SPTLC3: variants seen among roughly 807,000 people sequenced by gnomAD.
The protein encoded by SPTLC3 is serine palmitoyltransferase long chain base subunit 3, also known as serine palmitoyltransferase 3.
SPTLC3 carries 36 observed loss-of-function variants against 59.3 expected under a neutral mutation model. The observed-to-expected ratio is 0.61, with a 90% CI of 0.47 to 0.80. The LOEUF is 0.80. Among genes scored for constraint, SPTLC3 ranks in the 30% least tolerant of loss-of-function variants. SPTLC3 has a pLI of 0.00. For missense variants in SPTLC3, 625 were observed against 685.1 expected (o/e 0.91, Z 0.98); for synonymous variants, 257 against 240.8 (o/e 1.07, Z -0.62).
At chr20:13,153,330 A>G (rs1161533023) in intron 9 of SPTLC3, among the ~76,000 whole-genome samples, 1 of 152,130 alleles carries the variant, frequency 6.6e-6, no homozygotes, top group Non-Finnish European at 1.5e-5. Flanking sequence ...AATAACCTTG[A>G]CATGGACCCA....
chr20:13,032,522 G>A (rs1482475597), intron 1 of SPTLC3, among the ~76,000 whole-genome samples: 1 of 152,060 alleles, frequency 6.6e-6, no homozygotes, highest in Admixed American at 6.6e-5. Context: ...ACCATTCAAG[G>A]CCCAGCCAGA....
At chr20:13,128,871 A>ATT (rs35981991) in intron 9 of SPTLC3, among the ~76,000 whole-genome samples, 4 of 114,218 alleles carry the variant, frequency 3.5e-5, no homozygotes, top group South Asian at 2.9e-4. Context: ...TGCCCAGCTA[A>ATT]TTTTTTTTTT....
intron 1 of SPTLC3, among the ~76,000 whole-genome samples, chr20:13,030,981 C>T (rs1418631104): frequency 6.6e-6 from 1 of 152,002 alleles, no homozygotes; most frequent in African/African-American, 2.4e-5. Context: ...CCTTCCAGAC[C>T]AAGGGTTGGC....
chr20:13,092,189 T>C (rs6041847), intron 5 of SPTLC3, among the ~76,000 whole-genome samples: 10 of 152,230 alleles, frequency 6.6e-5, no homozygotes, highest in African/African-American at 2.4e-4. Context: ...ATGTGTAAAA[T>C]ACATAGGTTT....
intron 1 of SPTLC3, among the ~76,000 whole-genome samples, chr20:13,026,500 C>A (rs776529931): frequency 3.3e-5 from 5 of 152,020 alleles, no homozygotes; most frequent in Non-Finnish European, 5.9e-5. Flanking sequence ...TTTTCATATG[C>A]TTTTTGGCCA....
chr20:13,156,329 C>T (rs1278975040), intron 10 of SPTLC3, among the ~76,000 whole-genome samples: 2 of 152,122 alleles, frequency 1.3e-5, no homozygotes, highest in African/African-American at 4.8e-5. Flanking sequence ...AATGAACCAA[C>T]CCAATGAGAA....
chr20:13,056,024 C>A (rs746067567), intron 2 of SPTLC3, among the ~76,000 whole-genome samples: 1 of 152,086 alleles, frequency 6.6e-6, no homozygotes, highest in Admixed American at 6.6e-5. Flanking sequence ...CAGACCCAGG[C>A]AATCCTCATG....
At chr20:13,055,003 G>T (rs1476709914) in intron 2 of SPTLC3, among the ~76,000 whole-genome samples, 1 of 152,032 alleles carries the variant, frequency 6.6e-6, no homozygotes, top group Non-Finnish European at 1.5e-5. Flanking sequence ...GGTTATTTGT[G>T]CTTGAACTAG....
chr20:13,101,005 A>C (rs1363551175), intron 6 of SPTLC3, among the ~76,000 whole-genome samples: 1 of 129,288 alleles, frequency 7.7e-6, no homozygotes, highest in Non-Finnish European at 1.8e-5. Context: ...CCAGTAGGTG[A>C]CCAGGGCACA....
chr20:13,124,117 C>T (rs1156265529), intron 8 of SPTLC3, among the ~76,000 whole-genome samples: 1 of 152,148 alleles, frequency 6.6e-6, no homozygotes, highest in Admixed American at 6.6e-5. Context: ...TGGGGAAAAC[C>T]CACCCAGCTT....
In SPTLC3 at chr20:13,072,642, G is replaced by A. The variant is rs151260419; in HGVS notation, c.458+232G>A. Among the ~76,000 whole-genome samples the A allele has an allele frequency of 4.6e-3, 703 of 152,272 alleles. 4 individuals carry two copies. The highest frequency in any genetic ancestry group is 0.015 in the African/African-American group (629 of 41,548). ...AATTAACCTAAGACCTGGGTCAGAAGGTGCAGGACACACCAAGCCAGCCAG... is the reference window on the plus strand; with the variant it reads ...AATTAACCTAAGACCTGGGTCAGAAAGTGCAGGACACACCAAGCCAGCCAG... On this transcript the variant is annotated intron_variant, in intron 3 of 11. Coordinates refer to ENST00000399002, the MANE Select transcript of SPTLC3 (RefSeq NM_018327.4).
chr20:13,019,726 T>TA (rs1985768018), intron 1 of SPTLC3, among the ~76,000 whole-genome samples: 1 of 152,190 alleles, frequency 6.6e-6, no homozygotes, highest in Non-Finnish European at 1.5e-5. Context: ...AAACCTTCGT[T>TA]AGATGATGTA....
chr20:13,143,660 G>C (rs2038438491), intron 9 of SPTLC3, among the ~76,000 whole-genome samples: 1 of 152,216 alleles, frequency 6.6e-6, no homozygotes, highest in Non-Finnish European at 1.5e-5. Context: ...CCTGAGGCCT[G>C]TTCAGTGCAT....
At chr20:13,157,914 T>G (rs1235380580) in intron 10 of SPTLC3, among the ~76,000 whole-genome samples, 1 of 152,238 alleles carries the variant, frequency 6.6e-6, no homozygotes, top group Non-Finnish European at 1.5e-5. Context: ...TATTAAAGAA[T>G]GGTGATCTCT....
intron 6 of SPTLC3, among the ~76,000 whole-genome samples, chr20:13,108,661 G>A (rs1000234729): frequency 3.3e-5 from 5 of 150,118 alleles, no homozygotes; most frequent in South Asian, 2.1e-4. Context: ...TGCAACATCC[G>A]TCTCCTGGGT....
intron 1 of SPTLC3, among the ~76,000 whole-genome samples, chr20:13,038,716 A>G (rs1986845489): frequency 6.6e-6 from 1 of 152,008 alleles, no homozygotes; most frequent in Non-Finnish European, 1.5e-5. Context: ...TACTTTTTCC[A>G]TGGTCTTAAG....
intron 6 of SPTLC3, among the ~76,000 whole-genome samples, chr20:13,097,864 G>C (rs530438502): frequency 2.6e-5 from 4 of 152,220 alleles, no homozygotes; most frequent in African/African-American, 9.6e-5. Context: ...TGCAATGGCG[G>C]GTCCTAGACT....
Position 13,117,564 on chromosome 20 carries a change from G to A in SPTLC3, c.991G>A (p.Ala331Thr). Residue 331 changes from alanine (A) to threonine (T), a missense_variant, in exon 8 of 12, where the codon GCT becomes ACT. Ala to Thr is a moderately conservative substitution (Grantham distance 58). Coordinates refer to ENST00000399002, the MANE Select transcript of SPTLC3 (RefSeq NM_018327.4). ...QIIALKKKYK[A>T]YLYIDEAHSI... ...CATAGCTCTAAAGAAGAAATACAAGGCTTACCTCTACATAGATGAAGCTCA... is the reference window on the plus strand; with the variant it reads ...CATAGCTCTAAAGAAGAAATACAAGACTTACCTCTACATAGATGAAGCTCA... 6.2e-7 allele frequency: 1 copy of A among 1,613,334 alleles called. No homozygotes were observed. Among genetic ancestry groups the A allele is most frequent in the Non-Finnish European group, 8.5e-7 (1 of 1,179,690 alleles).
intron 9 of SPTLC3, among the ~76,000 whole-genome samples, chr20:13,137,308 A>G (rs887841141): frequency 3.9e-5 from 6 of 152,162 alleles, no homozygotes; most frequent in African/African-American, 1.4e-4. Context: ...GTAGAATTCT[A>G]CTTGCACGTT....
Sources: allele counts gnomAD v4.1 joint callset (sites outside exome capture counted in the v4.1 genomes callset), GRCh38; gene constraint gnomAD v4.1.1; transcripts MANE v1.5; gene names NCBI Gene and HGNC (gene_info 2026-07-23, HGNC 2026-07-21).